The following LRFN5 variants were observed in gnomAD, a reference collection of about 807,000 sequenced individuals.
The protein encoded by LRFN5 is leucine rich repeat and fibronectin type III domain containing 5, also known as leucine-rich repeat and fibronectin type-III domain-containing protein 5.
Under a neutral mutation model 45.6 loss-of-function variants are expected in LRFN5, and 24 were observed. The ratio of observed to expected loss-of-function variants is 0.53; its 90% CI spans 0.38 to 0.74. LRFN5 has a LOEUF of 0.74. LRFN5 is among the 30% of genes least tolerant of loss of function. The pLI, the probability that LRFN5 is intolerant of heterozygous loss-of-function variation, is 0.00. For missense variants in LRFN5, 776 were observed against 861.5 expected, an observed-to-expected ratio of 0.90 and a Z score of 1.24; for synonymous variants, 340 against 313.8, an observed-to-expected ratio of 1.08 and a Z score of -0.88.
intron 2 of LRFN5, among the ~76,000 whole-genome samples, chr14:41,784,277 C>A (rs1297170721): frequency 6.6e-6 from 1 of 152,108 alleles, no homozygotes; most frequent in Non-Finnish European, 1.5e-5. Flanking sequence ...CTATAACACA[C>A]TCATAATTAG....
chr14:41,891,870 A>G lies in LRFN5; in HGVS notation c.2006A>G (p.Asn669Ser). The change falls in exon 4 of 6, where the codon AAC becomes AGC. Residue 669 changes from asparagine (N) to serine (S), a missense_variant. Physicochemically the swap from Asn to Ser is conservative, Grantham distance 46. Transcript: ENST00000298119. Reference sequence around the variant, plus strand: ...ACAAATGTTGAATCCCAAAACACTAACAGGAACAACTCAACTGCCTTGCAG... The same window carrying G: ...ACAAATGTTGAATCCCAAAACACTAGCAGGAACAACTCAACTGCCTTGCAG... ...AVTNVESQNT[N>S]RNNSTALQLA... 1 of 1,614,180 alleles carries G rather than the reference A, an allele frequency of 6.2e-7. No homozygotes were observed. Among genetic ancestry groups the G allele is most frequent in the South Asian group, 1.1e-5 (1 of 91,080 alleles).
At chr14:41,813,769 C>T (rs1159913845) in intron 2 of LRFN5, among the ~76,000 whole-genome samples, 1 of 152,198 alleles carries the variant, frequency 6.6e-6, no homozygotes, top group Non-Finnish European at 1.5e-5. Flanking sequence ...AATCGCTACA[C>T]TGTCTTCCAC....
At chr14:41,634,697 A>G (rs747527963) in intron 1 of LRFN5, among the ~76,000 whole-genome samples, 34 of 152,158 alleles carry the variant, frequency 2.2e-4, no homozygotes, top group Non-Finnish European at 4.1e-4. Context: ...ATGTGTACTA[A>G]CGACCCTCTG....
At chr14:41,687,536 A>G (rs759528379) in intron 1 of LRFN5, among the ~76,000 whole-genome samples, 3 of 152,226 alleles carry the variant, frequency 2.0e-5, no homozygotes, top group Non-Finnish European at 2.9e-5. Flanking sequence ...ACACACGCAC[A>G]CATGTGTTTA....
intron 1 of LRFN5, among the ~76,000 whole-genome samples, chr14:41,704,029 C>T (rs972471031): frequency 3.9e-5 from 6 of 152,024 alleles, no homozygotes; most frequent in African/African-American, 1.2e-4. Context: ...GTCAATATGA[C>T]CTTCTATATT....
intron 2 of LRFN5, among the ~76,000 whole-genome samples, chr14:41,885,396 A>G (rs1389422282): frequency 6.6e-6 from 1 of 152,026 alleles, no homozygotes; most frequent in Admixed American, 6.6e-5. Context: ...AATCAAATAT[A>G]TGCTATTATT....
chr14:41,873,419 CAGAG>C (rs10558865), intron 2 of LRFN5, among the ~76,000 whole-genome samples: 71,181 of 146,384 alleles, frequency 0.49, 17,411 homozygotes, highest in Middle Eastern at 0.59. Flanking sequence ...GAGAGAGAGA[CAGAG>C]AGAGAGAGAG....
intron 1 of LRFN5, among the ~76,000 whole-genome samples, chr14:41,728,033 C>T (rs993728206): frequency 6.6e-5 from 10 of 152,090 alleles, no homozygotes; most frequent in African/African-American, 2.4e-4. Context: ...AACATACACC[C>T]ATGCTTATTT....
chr14:41,862,269 C>T (rs888583409), intron 2 of LRFN5, among the ~76,000 whole-genome samples: 3 of 152,214 alleles, frequency 2.0e-5, no homozygotes, highest in Admixed American at 2.0e-4. Context: ...CAAAATAAAA[C>T]CCACTATCTT....
chr14:41,708,604 G>T (rs1883160298), intron 1 of LRFN5, among the ~76,000 whole-genome samples: 1 of 151,884 alleles, frequency 6.6e-6, no homozygotes, highest in African/African-American at 2.4e-5. Context: ...TGTTTCTGAA[G>T]TATCTTCAAG....
chr14:41,675,339 G>A (rs1881570751), intron 1 of LRFN5, among the ~76,000 whole-genome samples: 3 of 152,248 alleles, frequency 2.0e-5, no homozygotes, highest in South Asian at 2.1e-4. Flanking sequence ...ACCAGACTCC[G>A]TCTGCAATCC....
chr14:41,842,317 C>G (rs1280995610), intron 2 of LRFN5, among the ~76,000 whole-genome samples: 1 of 152,066 alleles, frequency 6.6e-6, no homozygotes. Flanking sequence ...TAGACAGTGA[C>G]AAGCATCATT....
intron 2 of LRFN5, among the ~76,000 whole-genome samples, chr14:41,850,001 A>G (rs1373764238): frequency 1.3e-5 from 2 of 151,846 alleles, no homozygotes; most frequent in African/African-American, 4.8e-5. Flanking sequence ...GAGCTTTTCA[A>G]GGGTTAGAAT....
At chr14:41,813,312 C>T (rs894524153) in intron 2 of LRFN5, among the ~76,000 whole-genome samples, 17 of 152,134 alleles carry the variant, frequency 1.1e-4, no homozygotes, top group African/African-American at 4.1e-4. Flanking sequence ...CCACCATCTA[C>T]ATTAGGTATT....
intron 2 of LRFN5, among the ~76,000 whole-genome samples, chr14:41,837,571 C>G (rs147612398): frequency 1.3e-5 from 2 of 151,850 alleles, no homozygotes; most frequent in Non-Finnish European, 2.9e-5. Flanking sequence ...ACTTTAGAGA[C>G]AAATATAAAT....
chr14:41,816,994 G>A (rs1887941801), intron 2 of LRFN5, among the ~76,000 whole-genome samples: 1 of 141,014 alleles, frequency 7.1e-6, no homozygotes, highest in Non-Finnish European at 1.5e-5. Context: ...TTTTAATGTG[G>A]GAAGTTTTTT....
chr14:41,789,752 T>A (rs1886852162), intron 2 of LRFN5, among the ~76,000 whole-genome samples: 1 of 151,992 alleles, frequency 6.6e-6, no homozygotes, highest in African/African-American at 2.4e-5. Context: ...CCATCATTTT[T>A]TCTGTATCTG....
intron 1 of LRFN5, among the ~76,000 whole-genome samples, chr14:41,696,788 C>T (rs996994886): frequency 6.6e-6 from 1 of 151,860 alleles, no homozygotes; most frequent in Non-Finnish European, 1.5e-5. Flanking sequence ...GACGTCTCAT[C>T]GTGGCTTCAG....
At chr14:41,647,748 A>G (rs1322930538) in intron 1 of LRFN5, among the ~76,000 whole-genome samples, 6 of 152,116 alleles carry the variant, frequency 3.9e-5, no homozygotes, top group African/African-American at 1.4e-4. Flanking sequence ...AGAGATGCCA[A>G]CTCTGGACCA....
Sources: gnomAD v4.1 joint callset for allele counts (sites outside exome capture counted in the v4.1 genomes callset) on GRCh38, gnomAD v4.1.1 for gene constraint, MANE v1.5 for transcripts, NCBI Gene and HGNC (gene_info 2026-07-23, HGNC 2026-07-21) for gene names.